The following CAST variants were observed in gnomAD, a reference collection of about 807,000 sequenced individuals.
The protein encoded by CAST is MIR583 host.
In CAST, 76 loss-of-function variants were observed where a neutral mutation model predicts 119.6. That is an observed-to-expected ratio of 0.64 (90% CI 0.53 to 0.77). The LOEUF is 0.77. Among genes scored for constraint, CAST ranks in the 30% least tolerant of loss-of-function variants. CAST has a pLI of 0.00. For synonymous variants in CAST, 319 were observed against 331.6 expected, an observed-to-expected ratio of 0.96 and a Z score of 0.41; for missense variants, 953 against 946.5, an observed-to-expected ratio of 1.01 and a Z score of -0.09.
chr5:96,707,862 C>T lies in CAST; in HGVS notation c.210+11955C>T, dbSNP rs141902949. On this transcript the variant is annotated intron_variant, in intron 3 of 31. Coordinates refer to ENST00000675179, the MANE Select transcript of CAST (RefSeq NM_001750.7). ...CACACCTCAGGGCCTCCAGAGTTGC[C>T]GGGGAAAGTGTGAGCTATGAGTGCT... 6.1e-3 allele frequency among the ~76,000 whole-genome samples: 932 copies of T among 152,162 alleles called. 10 individuals are homozygous for T. Among genetic ancestry groups the T allele is most frequent in the African/African-American group, 0.021 (881 of 41,512 alleles).
the CAST span, among the ~76,000 whole-genome samples, chr5:96,500,048 G>T: frequency 6.6e-6 from 1 of 152,086 alleles, no homozygotes; most frequent in African/African-American, 2.4e-5. Context: ...ACATTTATCA[G>T]ATAAGTTCGC....
intron 26 of CAST, among the ~76,000 whole-genome samples, chr5:96,765,600 C>T (rs1335830426): frequency 1.3e-5 from 2 of 152,106 alleles, no homozygotes; most frequent in African/African-American, 4.8e-5. Context: ...GCAGTCAGCA[C>T]ATCCATTCAA....
the CAST span, among the ~76,000 whole-genome samples, chr5:96,005,502 AC>A: frequency 1.3e-5 from 2 of 152,336 alleles, no homozygotes; most frequent in South Asian, 4.1e-4. Context: ...TTATTTAGAA[AC>A]AGAGAAGTAA....
chr5:96,325,064 G>T, the CAST span, among the ~76,000 whole-genome samples: 2 of 152,066 alleles, frequency 1.3e-5, no homozygotes, highest in Non-Finnish European at 2.9e-5. Flanking sequence ...AATTAGCTGG[G>T]TATGGTGGTG....
chr5:96,065,590 T>C, the CAST span, among the ~76,000 whole-genome samples: 3 of 152,136 alleles, frequency 2.0e-5, no homozygotes, highest in South Asian at 2.1e-4. Context: ...AGGTAAGTGA[T>C]AGGATTTTTT....
the CAST span, among the ~76,000 whole-genome samples, chr5:95,969,953 T>C: frequency 6.6e-6 from 1 of 152,170 alleles, no homozygotes; most frequent in Non-Finnish European, 1.5e-5. Flanking sequence ...CTAAATTTCA[T>C]GCCCACTCTA....
chr5:96,542,693 T>A (rs577528460), intron 1 of CAST, among the ~76,000 whole-genome samples: 126 of 152,338 alleles, frequency 8.3e-4, no homozygotes, highest in Admixed American at 3.2e-3. Context: ...ATATTTTAGA[T>A]ACAAGTTATT....
At chr5:96,605,935 C>A (rs1316057495) in intron 1 of CAST, among the ~76,000 whole-genome samples, 2 of 152,128 alleles carry the variant, frequency 1.3e-5, no homozygotes, top group African/African-American at 4.8e-5. Flanking sequence ...GCTGTGATAA[C>A]TGTATTTGAA....
chr5:96,608,678 T>C (rs261208), intron 1 of CAST, among the ~76,000 whole-genome samples: 82,456 of 151,914 alleles, frequency 0.54, 22,405 homozygotes, highest in African/African-American at 0.6. Flanking sequence ...TAAAGAACTA[T>C]CTGAGACTGG....
the CAST span, among the ~76,000 whole-genome samples, chr5:95,964,598 T>G: frequency 6.6e-6 from 1 of 152,134 alleles, no homozygotes; most frequent in East Asian, 1.9e-4. Context: ...GAACAGCTCT[T>G]GAGGGTTGAG....
chr5:96,002,133 G>T, the CAST span, among the ~76,000 whole-genome samples: 32 of 152,314 alleles, frequency 2.1e-4, no homozygotes, highest in Admixed American at 1.4e-3. Flanking sequence ...CCATTTAGGA[G>T]CAACCATTGT....
At chr5:96,580,512 C>T (rs1449016849) in intron 1 of CAST, among the ~76,000 whole-genome samples, 1 of 152,164 alleles carries the variant, frequency 6.6e-6, no homozygotes, top group Non-Finnish European at 1.5e-5. Context: ...CAGTGTTTCT[C>T]AAGTTTTAAT....
At chr5:96,461,469 G>A in the CAST span, among the ~76,000 whole-genome samples, 3 of 151,928 alleles carry the variant, frequency 2.0e-5, no homozygotes, top group Middle Eastern at 3.2e-3. Flanking sequence ...TTTTTCATTC[G>A]CATCAGGAAG....
the CAST span, among the ~76,000 whole-genome samples, chr5:96,379,286 C>T: frequency 3.9e-5 from 6 of 152,126 alleles, no homozygotes; most frequent in Non-Finnish European, 5.9e-5. Context: ...ATTAAAAATA[C>T]TAATGAGGGT....
chr5:96,640,697 A>C (rs1747939603), intron 1 of CAST, among the ~76,000 whole-genome samples: 1 of 152,192 alleles, frequency 6.6e-6, no homozygotes, highest in African/African-American at 2.4e-5. Flanking sequence ...TGGAGATGGA[A>C]TGCCCTTTAG....
chr5:96,180,217 T>C, the CAST span, among the ~76,000 whole-genome samples: 123 of 152,206 alleles, frequency 8.1e-4, 1 homozygote, highest in Non-Finnish European at 1.2e-3. Flanking sequence ...TGTGTGATAA[T>C]CTTATACACT....
chr5:96,293,316 T>C, the CAST span, among the ~76,000 whole-genome samples: 1 of 152,356 alleles, frequency 6.6e-6, no homozygotes, highest in Admixed American at 6.5e-5. Flanking sequence ...TTCACTCTTT[T>C]TGCCCAGACT....
chr5:96,506,519 A>T, the CAST span, among the ~76,000 whole-genome samples: 2 of 152,218 alleles, frequency 1.3e-5, no homozygotes, highest in Non-Finnish European at 1.5e-5. Flanking sequence ...ATCAACACAT[A>T]TGTAGGGAAC....
intron 1 of CAST, chr5:96,546,565 A>T (rs6556932): frequency 0.61 from 93,006 of 151,352 alleles, 28,873 homozygotes; most frequent in East Asian, 0.86. Context: ...AAAAAAAAAA[A>T]GTGCTCCAAA....
Sources: gnomAD v4.1 joint callset for allele counts (sites outside exome capture counted in the v4.1 genomes callset) on GRCh38, gnomAD v4.1.1 for gene constraint, MANE v1.5 for transcripts, NCBI Gene and HGNC (gene_info 2026-07-23, HGNC 2026-07-21) for gene names.